SFXN4: variants seen among roughly 807,000 people sequenced by gnomAD.
The protein encoded by SFXN4 is sideroflexin-4.
In SFXN4, 48 loss-of-function variants were observed where a neutral mutation model predicts 54.6. That is an observed-to-expected ratio of 0.88 (90% CI 0.70 to 1.12). The LOEUF is 1.12. Among genes scored for constraint, SFXN4 ranks in the 50% most tolerant of loss-of-function variants. The pLI is 0.00. For missense variants in SFXN4, 383 were observed against 409.2 expected (o/e 0.94, Z 0.55); for synonymous variants, 130 against 145.5 (o/e 0.89, Z 0.77).
intron 9 of SFXN4, 53 bp downstream of exon 9, chr10:119,157,615 C>G: frequency 2.9e-6 from 4 of 1,397,236 alleles, no homozygotes; most frequent in Non-Finnish European, 3.9e-6. Flanking sequence ...ATAAATAAAA[C>G]TTCCTGGATT....
At chr10:119,157,587 C>A in intron 9 of SFXN4, 81 bp downstream of exon 9, 1 of 1,144,706 alleles carries the variant, frequency 8.7e-7, no homozygotes, top group Non-Finnish European at 1.3e-6. Context: ...TAAATTGGAA[C>A]ATAAATTTGT....
intron 10 of SFXN4, among the ~76,000 whole-genome samples, chr10:119,156,398 C>T (rs1847280703): frequency 6.6e-6 from 1 of 152,218 alleles, no homozygotes; most frequent in South Asian, 2.1e-4. Context: ...CACTGCACTC[C>T]AGCCTGGGTG....
chr10:119,160,537 A>AATC lies in SFXN4; in HGVS notation c.334+375_334+377dup, dbSNP rs1310710218. Among the ~76,000 whole-genome samples, 10 of 151,188 alleles carry AATC rather than the reference A, an allele frequency of 6.6e-5. No individual in the cohort carries two copies. The East Asian group carries it at 1.7e-3, about 26-fold the overall frequency. On this transcript the variant is annotated intron_variant, in intron 5 of 13. Transcript: ENST00000355697. ...TTTCAAAAAAAAAAAAAAAGAAAGA[A>AATC]ATCCTGCTGGGGGAGAAATAATTAA...
At chr10:119,162,794 C>G (rs1197957238) in intron 2 of SFXN4, among the ~76,000 whole-genome samples, 1 of 151,978 alleles carries the variant, frequency 6.6e-6, no homozygotes, top group Non-Finnish European at 1.5e-5. Flanking sequence ...TTCTTTCTTT[C>G]TTTTCTTATT....
intron 12 of SFXN4, among the ~76,000 whole-genome samples, chr10:119,147,524 G>A (rs531720378): frequency 6.6e-6 from 1 of 152,292 alleles, no homozygotes; most frequent in South Asian, 2.1e-4. Context: ...GGCCGTGGAA[G>A]GTCCTTCGAC....
At chr10:119,161,523 C>T (rs535847311) in intron 3 of SFXN4, among the ~76,000 whole-genome samples, 27 of 151,506 alleles carry the variant, frequency 1.8e-4, no homozygotes, top group Non-Finnish European at 3.1e-4. Context: ...TTTGTTCTAC[C>T]TTTCAGAGAG....
Position 119,149,857 on chromosome 10 carries a change from G to A in SFXN4, c.733-1997C>T, listed in dbSNP as rs534922916. Among the ~76,000 whole-genome samples the A allele has an allele frequency of 4.6e-4, 70 of 152,364 alleles. 1 individual carries two copies. The highest frequency in any genetic ancestry group is 1.2e-4 in the Non-Finnish European group (8 of 68,038). The stretch of plus-strand genomic sequence containing the variant: ...TGTGCTGTGTGTCCACATCAGTGGG[G>A]CGAGGCCCGCCTCTCTCCCTTAGTC... On this transcript the variant is annotated intron_variant, in intron 11 of 13. Coordinates refer to ENST00000355697, the MANE Select transcript of SFXN4 (RefSeq NM_213649.2).
chr10:119,148,473 G>A (rs12781743), intron 11 of SFXN4, among the ~76,000 whole-genome samples: 41,018 of 151,958 alleles, frequency 0.27, 6,897 homozygotes, highest in South Asian at 0.39. Flanking sequence ...TGGAAATGCT[G>A]GATTTGCCAC....
Position 119,155,092 on chromosome 10 carries a change from G to C in SFXN4, c.702C>G (p.Val234=), listed in dbSNP as rs148648922. ...TCCCAGCAATTCTGGAATGACCCAG[G>C]ACATTGCCTTCCTTGTCCATGACCG... ...GIAVMDKEGN[V]LGHSRIAGTK... is the part of the protein sequence containing the mutation. The change falls in exon 11 of 14, where the codon GTC becomes GTG. Residue 234 remains valine, a synonymous_variant. Coordinates refer to ENST00000355697, the MANE Select transcript of SFXN4 (RefSeq NM_213649.2). 1 of 1,613,998 alleles carries C rather than the reference G, an allele frequency of 6.2e-7. No individual in the cohort carries two copies. The highest frequency in any genetic ancestry group is 1.3e-5 in the African/African-American group (1 of 74,942).
chr10:119,142,317 C>A (rs937024940), intron 13 of SFXN4, among the ~76,000 whole-genome samples: 1 of 152,118 alleles, frequency 6.6e-6, no homozygotes, highest in Non-Finnish European at 1.5e-5. Context: ...ACCTCCCACA[C>A]CCAGCAGTAG....
chr10:119,153,607 C>T (rs1218821266), intron 11 of SFXN4, among the ~76,000 whole-genome samples: 1 of 152,036 alleles, frequency 6.6e-6, no homozygotes, highest in Non-Finnish European at 1.5e-5. Flanking sequence ...CTCTTTTAAC[C>T]CCAGAAAGGG....
chr10:119,148,225 T>C (rs1166234472), intron 11 of SFXN4, among the ~76,000 whole-genome samples: 1 of 152,020 alleles, frequency 6.6e-6, no homozygotes, highest in African/African-American at 2.4e-5. Flanking sequence ...CCACAACTCC[T>C]GCGAGAGACA....
chr10:119,142,062 G>A (rs1466180914), intron 13 of SFXN4, among the ~76,000 whole-genome samples: 1 of 152,024 alleles, frequency 6.6e-6, no homozygotes. Context: ...TTAGCCAGGT[G>A]TGGTAGTACG....
At chr10:119,164,077 C>G in intron 2 of SFXN4, 54 bp downstream of exon 2, 1 of 668,936 alleles carries the variant, frequency 1.5e-6, no homozygotes, top group Non-Finnish European at 2.6e-6. Flanking sequence ...GACACACAGA[C>G]TTCAAGTTTC....
rs186017166 is a variant in SFXN4, at chr10:119,157,871, G to A, written c.471C>T (p.Tyr157=). 7.7e-5 allele frequency: 124 copies of A among 1,614,118 alleles called. 2 individuals are homozygous for A. In the South Asian group the frequency reaches 9.1e-4, roughly 12 times the overall value. Residue 157 remains tyrosine (Y), a splice_region_variant and synonymous_variant, in exon 8 of 14, where the codon TAC becomes TAT. Coordinates refer to ENST00000355697, the MANE Select transcript of SFXN4 (RefSeq NM_213649.2). The part of the protein sequence containing the change: ...AFNSINGNRS[Y]TCKPLERSLL... Reference sequence around the variant, plus strand: ...ACTCTCTGGGTCTCATAATACTCACGTAACTTCTGTTTCCATTGATGCTGT... The same window carrying A: ...ACTCTCTGGGTCTCATAATACTCACATAACTTCTGTTTCCATTGATGCTGT...
At chr10:119,144,935 G>A (rs1278460937) in intron 13 of SFXN4, among the ~76,000 whole-genome samples, 1 of 152,128 alleles carries the variant, frequency 6.6e-6, no homozygotes, top group Non-Finnish European at 1.5e-5. Flanking sequence ...CCACTGGAGA[G>A]GGCGTAGTTA....
rs1847336236 is a variant in SFXN4 at position 119,157,886 on chromosome 10, A to G, written c.456T>C (p.Asn152=). 6.2e-7 allele frequency: 1 copy of G among 1,614,254 alleles called. No individual in the cohort carries two copies. Among genetic ancestry groups the G allele is most frequent in the East Asian group, 2.2e-5 (1 of 44,890 alleles). ...TAATACTCACGTAACTTCTGTTTCC[A>G]TTGATGCTGTTGAACGCTGCCATGT... is the stretch of plus-strand genomic sequence containing the variant. ...CAYMAAFNSI[N]GNRSYTCKPL... Residue 152 remains asparagine (N), a synonymous_variant, in exon 8 of 14, where the codon AAT becomes AAC. Transcript: ENST00000355697.
Position 119,161,629 on chromosome 10 carries a change from G to A in SFXN4, c.253-548C>T, listed in dbSNP as rs527310328. 2.0e-4 allele frequency among the ~76,000 whole-genome samples: 31 copies of A among 152,170 alleles called. 1 individual carries two copies. In the South Asian group the frequency reaches 5.6e-3, roughly 28 times the overall value. On this transcript the variant is annotated intron_variant, in intron 3 of 13. Transcript: ENST00000355697. ...ATGAACTAATGACAAGCAAAGAGACGAGCCACACAGAGAAATGGACCAGAA... is the reference window on the plus strand; with the variant it reads ...ATGAACTAATGACAAGCAAAGAGACAAGCCACACAGAGAAATGGACCAGAA...
At chr10:119,164,027 C>T (rs1200663719) in intron 2 of SFXN4, 104 bp downstream of exon 2, 12 of 668,350 alleles carry the variant, frequency 1.8e-5, no homozygotes, top group South Asian at 7.8e-5. Context: ...GCAAGAAGAA[C>T]GAAACTCCGT....
Sources: gnomAD v4.1 joint callset for allele counts (sites outside exome capture counted in the v4.1 genomes callset) on GRCh38, gnomAD v4.1.1 for gene constraint, MANE v1.5 for transcripts, NCBI Gene and HGNC (gene_info 2026-07-23, HGNC 2026-07-21) for gene names.